Variants in CA10 observed in about 807,000 individuals in gnomAD.
The protein encoded by CA10 is carbonic anhydrase-related protein 10.
In CA10, 14 loss-of-function variants were observed where a neutral mutation model predicts 44.2. The observed-to-expected ratio is 0.32, with a 90% CI of 0.21 to 0.50. The LOEUF is 0.50. Among genes scored for constraint, CA10 ranks in the 20% least tolerant of loss-of-function variants. CA10 has a pLI of 0.99. For synonymous variants in CA10, 159 were observed against 141.6 expected, an observed-to-expected ratio of 1.12 and a Z score of -0.87; for missense variants, 350 against 409.7, an observed-to-expected ratio of 0.85 and a Z score of 1.26.
intron 4 of CA10, among the ~76,000 whole-genome samples, chr17:51,673,881 A>C (rs979431812): frequency 2.6e-5 from 4 of 152,126 alleles, no homozygotes; most frequent in African/African-American, 9.7e-5. Context: ...CAGCCCACAT[A>C]AGCCGGCCAT....
At chr17:52,002,387 A>G (rs1985455615) in intron 2 of CA10, among the ~76,000 whole-genome samples, 1 of 151,890 alleles carries the variant, frequency 6.6e-6, no homozygotes, top group Non-Finnish European at 1.5e-5. Context: ...AGGGCCATAA[A>G]AAGTGCAGGT....
At chr17:52,132,087 C>A (rs759205980) in intron 1 of CA10, among the ~76,000 whole-genome samples, 1 of 151,494 alleles carries the variant, frequency 6.6e-6, no homozygotes, top group African/African-American at 2.4e-5. Flanking sequence ...GTACAGCACA[C>A]CAGCATAGCA....
intron 5 of CA10, among the ~76,000 whole-genome samples, chr17:51,650,179 C>A (rs1040938901): frequency 9.2e-5 from 14 of 152,190 alleles, no homozygotes; most frequent in African/African-American, 3.1e-4. Context: ...ATTGATGAGA[C>A]TGTGATGTGG....
intron 4 of CA10, among the ~76,000 whole-genome samples, chr17:51,717,864 T>TAC (rs1761705603): frequency 3.5e-5 from 2 of 56,638 alleles, no homozygotes; most frequent in African/African-American, 1.3e-4. Flanking sequence ...TATATATATA[T>TAC]ATATACAGGA....
intron 1 of CA10, among the ~76,000 whole-genome samples, chr17:52,121,842 T>C (rs756617218): frequency 3.7e-4 from 56 of 152,164 alleles, no homozygotes; most frequent in Non-Finnish European, 4.9e-4. Context: ...TGCTGCCTTC[T>C]CATCCAATGG....
chr17:51,635,864 G>A lies in CA10; in HGVS notation c.780C>T (p.Thr260=). 1.3e-6 allele frequency: 2 copies of A among 1,585,672 alleles called. No individual in the cohort carries two copies. Among genetic ancestry groups the A allele is most frequent in the Non-Finnish European group, 1.7e-6 (2 of 1,164,844 alleles). ...CCAGAGAGAAACTCACCTGCATCCTGGTTATATAGACAGGTTTGTTCATTA... is the reference window on the plus strand; with the variant it reads ...CCAGAGAGAAACTCACCTGCATCCTAGTTATATAGACAGGTTTGTTCATTA... ...WIIMNKPVYI[T]RMQMHSLRLL... is the part of the protein sequence containing the mutation. The change falls in exon 7 of 9, where the codon ACC becomes ACT. Residue 260 remains threonine, a synonymous_variant. Coordinates refer to ENST00000451037, the MANE Select transcript of CA10 (RefSeq NM_020178.5).
chr17:51,699,690 A>G (rs1915524683), intron 4 of CA10, among the ~76,000 whole-genome samples: 1 of 152,236 alleles, frequency 6.6e-6, no homozygotes, highest in African/African-American at 2.4e-5. Context: ...GTCTACTTGC[A>G]TGTCCCGACA....
At chr17:51,695,457 A>G (rs1915369407) in intron 4 of CA10, among the ~76,000 whole-genome samples, 1 of 152,004 alleles carries the variant, frequency 6.6e-6, no homozygotes, top group Non-Finnish European at 1.5e-5. Flanking sequence ...TGTGTTCTTG[A>G]TTTGACTCTC....
At chr17:52,124,323 T>C (rs1047419247) in intron 1 of CA10, among the ~76,000 whole-genome samples, 27 of 152,182 alleles carry the variant, frequency 1.8e-4, no homozygotes, top group African/African-American at 6.5e-4. Context: ...ATTCTATGGA[T>C]GGAGAAATTG....
chr17:52,124,696 A>T (rs1989082879), intron 1 of CA10, among the ~76,000 whole-genome samples: 1 of 152,102 alleles, frequency 6.6e-6, no homozygotes, highest in Admixed American at 6.5e-5. Context: ...CTCCACCTTC[A>T]TGCCTCTAAG....
chr17:51,868,108 C>T (rs972204562), intron 3 of CA10, among the ~76,000 whole-genome samples: 8 of 150,400 alleles, frequency 5.3e-5, no homozygotes, highest in African/African-American at 2.0e-4. Flanking sequence ...AGATATTCTA[C>T]TTTAGCTCTC....
At chr17:51,771,169 C>CAGAGTG (rs1043367194) in intron 3 of CA10, among the ~76,000 whole-genome samples, 3 of 146,878 alleles carry the variant, frequency 2.0e-5, no homozygotes, top group Non-Finnish European at 4.5e-5. Context: ...CCTGTGAACC[C>CAGAGTG]AGAGTGAGAG....
chr17:51,649,051 G>A (rs953299968), intron 6 of CA10, 131 bp downstream of exon 6: 2 of 642,092 alleles, frequency 3.1e-6, no homozygotes, highest in Non-Finnish European at 2.8e-6. Flanking sequence ...TCTCCAGAGT[G>A]ACTTTCTACA....
chr17:51,873,773 T>C (rs1501267), intron 3 of CA10, among the ~76,000 whole-genome samples: 2 of 152,196 alleles, frequency 1.3e-5, no homozygotes, highest in East Asian at 1.9e-4. Flanking sequence ...CACAGTGTTG[T>C]TCTGGGAGTC....
At chr17:52,150,679 C>T (rs1390434155) in intron 1 of CA10, among the ~76,000 whole-genome samples, 3 of 152,232 alleles carry the variant, frequency 2.0e-5, no homozygotes, top group Admixed American at 6.5e-5. Flanking sequence ...GATAAAACTG[C>T]TACACAATGC....
rs1209551573 is a variant in CA10 at position 51,741,176 on chromosome 17, G to A, written c.465+6457C>T. Among the ~76,000 whole-genome samples, 3 of 152,172 alleles carry A rather than the reference G, an allele frequency of 2.0e-5. No individual in the cohort carries two copies. The East Asian group carries it at 5.8e-4, about 29-fold the overall frequency. On this transcript the variant is annotated intron_variant, in intron 4 of 8. Transcript: ENST00000451037. ...GCAGTGAGATTCTGCAGCCACCTAT[G>A]GGCATGACTGGGTGAGCTCTAGATT...
At chr17:51,910,865 T>C (rs1468961566) in intron 3 of CA10, among the ~76,000 whole-genome samples, 3 of 152,314 alleles carry the variant, frequency 2.0e-5, no homozygotes, top group Non-Finnish European at 4.4e-5. Flanking sequence ...AAATGAATCT[T>C]AAATGTGTTT....
At chr17:51,757,748 T>C (rs1417257513) in intron 3 of CA10, among the ~76,000 whole-genome samples, 1 of 152,238 alleles carries the variant, frequency 6.6e-6, no homozygotes, top group Non-Finnish European at 1.5e-5. Flanking sequence ...TTCTCACTGT[T>C]TGTCCAGATG....
intron 3 of CA10, among the ~76,000 whole-genome samples, chr17:51,918,032 G>A (rs1982072600): frequency 6.6e-6 from 1 of 152,160 alleles, no homozygotes; most frequent in African/African-American, 2.4e-5. Context: ...GACTCTGGAA[G>A]GGTGACACAA....
Sources: allele counts gnomAD v4.1 joint callset (sites outside exome capture counted in the v4.1 genomes callset), GRCh38; gene constraint gnomAD v4.1.1; transcripts MANE v1.5; gene names NCBI Gene and HGNC (gene_info 2026-07-23, HGNC 2026-07-21).